Variants in COA1 observed in about 807,000 individuals in gnomAD.
COA1 encodes the protein cytochrome c oxidase assembly factor 1.
COA1 carries 13 observed loss-of-function variants against 16.0 expected under a neutral mutation model. That is an observed-to-expected ratio of 0.81 (90% CI 0.53 to 1.29). The LOEUF (loss-of-function observed/expected upper bound fraction) is 1.29. Among genes scored for constraint, COA1 ranks in the 50% most tolerant of loss-of-function variants. The pLI is 0.00. For missense variants in COA1, 179 were observed against 177.0 expected (o/e 1.01, Z -0.06); for synonymous variants, 65 against 65.7 (o/e 0.99, Z 0.05).
At chr7:43,725,874 T>A (rs1162008161) in intron 1 of COA1, among the ~76,000 whole-genome samples, 1 of 149,824 alleles carries the variant, frequency 6.7e-6, no homozygotes, top group Non-Finnish European at 1.5e-5. Context: ...AATATATATA[T>A]TATATATATA....
intron 1 of COA1, among the ~76,000 whole-genome samples, chr7:43,673,311 C>T (rs538666172): frequency 6.6e-6 from 1 of 152,062 alleles, no homozygotes; most frequent in African/African-American, 2.4e-5. Flanking sequence ...CAATAAACAA[C>T]CCCATTAAAA....
At chr7:43,674,937 G>T (rs570333143) in intron 1 of COA1, among the ~76,000 whole-genome samples, 12 of 152,294 alleles carry the variant, frequency 7.9e-5, no homozygotes, top group African/African-American at 2.6e-4. Flanking sequence ...AAGGTTAAAA[G>T]TCATCATCCA....
intron 1 of COA1, among the ~76,000 whole-genome samples, chr7:43,651,232 A>G (rs1381390219): frequency 6.6e-6 from 1 of 152,216 alleles, no homozygotes; most frequent in Non-Finnish European, 1.5e-5. Context: ...AGTCTACTAC[A>G]TTGCCAAATA....
intron 6 of COA1, among the ~76,000 whole-genome samples, chr7:43,616,218 G>A (rs1263225895): frequency 6.6e-6 from 1 of 152,220 alleles, no homozygotes. Context: ...TATCGCCTGA[G>A]CACTTTGTAT....
At chr7:43,644,031 CCCT>C (rs1381284423) in intron 4 of COA1, among the ~76,000 whole-genome samples, 2 of 152,142 alleles carry the variant, frequency 1.3e-5, no homozygotes, top group African/African-American at 2.4e-5. Flanking sequence ...TGGCCGCAGC[CCCT>C]CCTACCTGCC....
intron 5 of COA1, among the ~76,000 whole-genome samples, chr7:43,640,192 A>C (rs1413849091): frequency 6.6e-6 from 1 of 152,240 alleles, no homozygotes; most frequent in African/African-American, 2.4e-5. Context: ...AGGGGTGGAG[A>C]GCTTATGCAA....
rs1326575428 is a variant in COA1 at position 43,639,566 on chromosome 7, G to C, written c.*16C>G. 6.2e-7 allele frequency: 1 copy of C among 1,604,854 alleles called. No individual in the cohort carries two copies. Among genetic ancestry groups the C allele is most frequent in the Admixed American group, 1.7e-5 (1 of 59,980 alleles). On this transcript the variant is annotated 3_prime_UTR_variant, in exon 6 of 6. Coordinates refer to ENST00000223336, the MANE Select transcript of COA1 (RefSeq NM_018224.4). ...GAAGGATGGACTAGAAGCAAGCTGG[G>C]TCTTCTGGGTCGTCTCTACTCCTTT... is the stretch of plus-strand genomic sequence containing the variant.
At chr7:43,683,359 A>G (rs1241981690) in intron 1 of COA1, among the ~76,000 whole-genome samples, 1 of 152,176 alleles carries the variant, frequency 6.6e-6, no homozygotes, top group Non-Finnish European at 1.5e-5. Flanking sequence ...TTGGCCAGGC[A>G]CAGTGGCTCA....
chr7:43,712,940 TG>T (rs1419648455), intron 1 of COA1, among the ~76,000 whole-genome samples: 3 of 152,098 alleles, frequency 2.0e-5, no homozygotes, highest in Non-Finnish European at 4.4e-5. Flanking sequence ...TACATATATA[TG>T]GTTTTTTTGT....
chr7:43,635,802 G>GAAGT (rs888985165), downstream of COA1, among the ~76,000 whole-genome samples: 5 of 152,132 alleles, frequency 3.3e-5, no homozygotes, highest in Non-Finnish European at 5.9e-5. Context: ...AAATAATTTG[G>GAAGT]AAGTGAAAAA....
At chr7:43,659,089 T>C (rs2092151817) in intron 1 of COA1, 1 of 152,206 alleles carries the variant, frequency 6.6e-6, no homozygotes, top group Admixed American at 6.5e-5. Flanking sequence ...GGGAGTCCAA[T>C]TAAAAGGCTC....
intron 1 of COA1, among the ~76,000 whole-genome samples, chr7:43,697,430 T>A (rs2094565905): frequency 6.6e-6 from 1 of 152,002 alleles, no homozygotes; most frequent in Non-Finnish European, 1.5e-5. Flanking sequence ...TAGCTGGGAC[T>A]ACAGGGGCAT....
chr7:43,610,954 G>A (rs1011736193), intron 6 of COA1, among the ~76,000 whole-genome samples: 2 of 151,634 alleles, frequency 1.3e-5, no homozygotes, highest in Non-Finnish European at 2.9e-5. Context: ...CTATCTCTAC[G>A]AAAAATACAA....
chr7:43,698,196 T>A (rs946015934), intron 1 of COA1, among the ~76,000 whole-genome samples: 4 of 152,166 alleles, frequency 2.6e-5, no homozygotes, highest in Non-Finnish European at 5.9e-5. Flanking sequence ...ATAGACAATA[T>A]GAAAAACAAA....
At chr7:43,610,522 C>T (rs2082763392) in intron 6 of COA1, among the ~76,000 whole-genome samples, 1 of 151,182 alleles carries the variant, frequency 6.6e-6, no homozygotes, top group South Asian at 2.1e-4. Context: ...AAAAAATTAG[C>T]CAAGTGTGGT....
chr7:43,687,924 C>T (rs866817971), intron 1 of COA1, among the ~76,000 whole-genome samples: 1 of 152,146 alleles, frequency 6.6e-6, no homozygotes. Context: ...GGGAGGGACC[C>T]AGAGGGAGGT....
At chr7:43,623,948 T>TA in intron 6 of COA1, 1 of 1,213,416 alleles carries the variant, frequency 8.2e-7, no homozygotes, top group South Asian at 2.7e-5. Flanking sequence ...AATTCAGTAT[T>TA]AAAAAACTGA....
intron 1 of COA1, among the ~76,000 whole-genome samples, chr7:43,727,554 A>G (rs1194877057): frequency 6.6e-6 from 1 of 152,268 alleles, no homozygotes; most frequent in African/African-American, 2.4e-5. Flanking sequence ...GACACATGCT[A>G]TTAAATACAA....
chr7:43,727,508 C>T (rs972160817), intron 1 of COA1, among the ~76,000 whole-genome samples: 3 of 152,068 alleles, frequency 2.0e-5, no homozygotes, highest in Non-Finnish European at 4.4e-5. Context: ...CGTGGTAATA[C>T]CCATAAAAGA....
Sources: gnomAD v4.1 joint callset for allele counts (sites outside exome capture counted in the v4.1 genomes callset) on GRCh38, gnomAD v4.1.1 for gene constraint, MANE v1.5 for transcripts, NCBI Gene and HGNC (gene_info 2026-07-23, HGNC 2026-07-21) for gene names.